FGFR3: variants seen among roughly 807,000 people sequenced by gnomAD.
FGFR3 encodes the protein FGFR-3.
FGFR3 carries 25 observed loss-of-function variants against 82.9 expected under a neutral mutation model. The ratio of observed to expected loss-of-function variants is 0.30; its 90% CI spans 0.22 to 0.42. The LOEUF is 0.42. Among genes scored for constraint, FGFR3 ranks in the 10% least tolerant of loss-of-function variants. The probability of loss-of-function intolerance (pLI) is 1.00; values close to 1 mark genes in which losing one functional copy is unlikely to be tolerated. For synonymous variants in FGFR3, 620 were observed against 516.0 expected (o/e 1.20, Z -2.73); for missense variants, 1,026 against 1,161.0 (o/e 0.88, Z 1.69).
intron 4 of FGFR3, among the ~76,000 whole-genome samples, chr4:1,800,889 C>T (rs556098960): frequency 1.3e-5 from 2 of 152,332 alleles, no homozygotes; most frequent in Non-Finnish European, 2.9e-5. Flanking sequence ...AGACTTGGAG[C>T]TCTGCAGAGG....
chr4:1,805,708 C>T, intron 12 of FGFR3, 39 bp downstream of exon 12: 2 of 1,611,322 alleles, frequency 1.2e-6, no homozygotes, highest in South Asian at 1.1e-5. Context: ...CTGGGCGGCC[C>T]TCCTGGGCCT....
At chr4:1,794,454 G>C (rs979888297) in intron 2 of FGFR3, among the ~76,000 whole-genome samples, 3 of 152,112 alleles carry the variant, frequency 2.0e-5, no homozygotes, top group African/African-American at 7.2e-5. Context: ...GCCAGCTTCG[G>C]CCAAGGCGAG....
Position 1,804,929 on chromosome 4 carries a change from G to A in FGFR3, c.1372G>A (p.Glu458Lys), listed in dbSNP as rs900372633. 11 of 1,549,886 alleles carry A rather than the reference G, an allele frequency of 7.1e-6. No homozygotes were observed. Among genetic ancestry groups the A allele is most frequent in the South Asian group, 3.6e-5 (3 of 84,056 alleles). ...CACGCTGGCCAATGTCTCCGAGCTC[G>A]AGCTGCCTGCCGACCCCAAATGGGA... is the stretch of plus-strand genomic sequence containing the variant. ...GPTLANVSEL[E>K]LPADPKWELS... is the part of the protein sequence containing the mutation. The change falls in exon 10 of 18, where the codon GAG becomes AAG. Residue 458 changes from glutamate to lysine, a missense_variant. Transcript: ENST00000440486.
rs1243610490 is a variant in FGFR3, at chr4:1,806,538, C to A, written c.2031-8C>A. On this transcript the variant is annotated splice_polypyrimidine_tract_variant and splice_region_variant and intron_variant, in intron 15 of 17. Coordinates refer to ENST00000440486, the MANE Select transcript of FGFR3 (RefSeq NM_000142.5). ...CTCAGGACAGCCTGACCTCACCTTC[C>A]CCTGCAGCTGGTCCTTTGGGGTCCT... The A allele has an allele frequency of 6.2e-7, 1 of 1,612,882 alleles. No individual in the cohort carries two copies. Among genetic ancestry groups the A allele is most frequent in the African/African-American group, 1.3e-5 (1 of 74,894 alleles).
intron 2 of FGFR3, among the ~76,000 whole-genome samples, chr4:1,797,360 G>C (rs1431618119): frequency 3.9e-5 from 6 of 152,152 alleles, no homozygotes; most frequent in Admixed American, 2.6e-4. Context: ...GGGGTACCCT[G>C]GCCTCTGCTG....
Position 1,805,877 on chromosome 4 carries a change from C to T in FGFR3, c.1773C>T (p.Phe591=), listed in dbSNP as rs780684393. Residue 591 remains phenylalanine (F), a synonymous_variant, in exon 13 of 18, where the codon TTC becomes TTT. Transcript: ENST00000440486. ...TCKPPEEQLT[F]KDLVSCAYQV... ...AGCCGCCCGAGGAGCAGCTCACCTTCAAGGACCTGGTGTCCTGTGCCTACC... is the reference window on the plus strand; with the variant it reads ...AGCCGCCCGAGGAGCAGCTCACCTTTAAGGACCTGGTGTCCTGTGCCTACC... The T allele has an allele frequency of 6.2e-7, 1 of 1,612,836 alleles. No homozygotes were observed. The highest frequency in any genetic ancestry group is 8.5e-7 in the Non-Finnish European group (1 of 1,179,860).
chr4:1,794,948 A>C (rs1720301692), intron 2 of FGFR3, among the ~76,000 whole-genome samples: 1 of 151,592 alleles, frequency 6.6e-6, no homozygotes, highest in African/African-American at 2.4e-5. Context: ...CGACGCGGCC[A>C]CAGACCGCGC....
At chr4:1,798,709 G>T (rs1720827821) in intron 2 of FGFR3, among the ~76,000 whole-genome samples, 1 of 152,114 alleles carries the variant, frequency 6.6e-6, no homozygotes. Flanking sequence ...GGGGTGCGGG[G>T]GCTACTGAGG....
In FGFR3 at chr4:1,803,772, C is replaced by T. The variant is rs746994259; in HGVS notation, c.1011C>T (p.Tyr337=). 2.5e-6 allele frequency: 4 copies of T among 1,614,108 alleles called. No individual in the cohort carries two copies. Among genetic ancestry groups the T allele is most frequent in the South Asian group, 1.1e-5 (1 of 91,080 alleles). The change falls in exon 8 of 18, where the codon TAC becomes TAT. Residue 337 remains tyrosine, a synonymous_variant. Transcript: ENST00000440486. ...HNVTFEDAGE[Y]TCLAGNSIGF... is the part of the protein sequence containing the mutation. Reference sequence around the variant, plus strand: ...TCACCTTTGAGGACGCCGGGGAGTACACCTGCCTGGCGGGCAATTCTATTG... The same window carrying T: ...TCACCTTTGAGGACGCCGGGGAGTATACCTGCCTGGCGGGCAATTCTATTG...
chr4:1,804,488 C>T lies in FGFR3; in HGVS notation c.1234C>T (p.His412Tyr), dbSNP rs2108798115. The change falls in exon 9 of 18, where the codon CAC (histidine) becomes TAC (tyrosine). Residue 412 changes from histidine (H) to tyrosine (Y), a missense_variant. By Grantham distance (83) the His-to-Tyr change is moderately conservative. Transcript: ENST00000440486. ...GAAAGGCCTGGGCTCCCCCACCGTG[C>T]ACAAGATCTCCCGCTTCCCGCTCAA... is the stretch of plus-strand genomic sequence containing the variant. ...PKKGLGSPTVHKISRFPLKRQ... is the reference protein window; with the variant it reads ...PKKGLGSPTVYKISRFPLKRQ... 1 of 1,613,074 alleles carries T rather than the reference C, an allele frequency of 6.2e-7. No homozygotes were observed. Among genetic ancestry groups the T allele is most frequent in the Non-Finnish European group, 8.5e-7 (1 of 1,179,954 alleles).
In FGFR3 at chr4:1,794,003, G is replaced by A. The variant is rs776259575; in HGVS notation, c.69G>A (p.Glu23=). ...CCATCGTGGCCGGCGCCTCCTCGGA[G>A]TCCTTGGGGACGGAGCAGCGCGTCG... The part of the protein sequence containing the change: ...AVAIVAGASS[E]SLGTEQRVVG... The change falls in exon 2 of 18, where the codon GAG becomes GAA. Residue 23 remains glutamate, a synonymous_variant. Transcript: ENST00000440486. The A allele has an allele frequency of 8.6e-6, 12 of 1,402,754 alleles. No individual in the cohort carries two copies. The highest frequency in any genetic ancestry group is 1.1e-5 in the Non-Finnish European group (12 of 1,066,546). 86.9% of individuals were successfully genotyped at this position (1,402,754 alleles called of 1,614,324 possible). A position where few individuals can be genotyped will look rare whatever the true frequency, so the allele number is the denominator to read the frequency against.
intron 8 of FGFR3, among the ~76,000 whole-genome samples, chr4:1,804,076 C>T (rs1276640971): frequency 2.0e-5 from 3 of 152,256 alleles, no homozygotes; most frequent in Non-Finnish European, 2.9e-5. Flanking sequence ...AAGGCCTCTC[C>T]TGTGGCTCTG....
rs1183151994 is a variant in FGFR3, at chr4:1,805,582, T to C, written c.1558T>C (p.Ser520Pro). The change falls in exon 12 of 18, where the codon TCG becomes CCG. Residue 520 changes from serine to proline, a missense_variant. Physicochemically the swap from Ser to Pro is moderately conservative, Grantham distance 74. Coordinates refer to ENST00000440486, the MANE Select transcript of FGFR3 (RefSeq NM_000142.5). ...AGACGATGCCACTGACAAGGACCTG[T>C]CGGACCTGGTGTCTGAGATGGAGAT... The part of the protein sequence containing the change: ...LKDDATDKDL[S>P]DLVSEMEMMK... The C allele has an allele frequency of 6.2e-7, 1 of 1,613,260 alleles. No homozygotes were observed. Among genetic ancestry groups the C allele is most frequent in the Admixed American group, 1.7e-5 (1 of 60,026 alleles).
Position 1,799,338 on chromosome 4 carries a change from G to T in FGFR3, c.194G>T (p.Gly65Val). The change falls in exon 3 of 18, where the codon GGG (glycine) becomes GTG (valine). Residue 65 changes from glycine to valine, a missense_variant. Around this residue, in one of 9 missense-constraint regions of FGFR3, gnomAD observed 226 missense variants for 222.0 expected, o/e 1.02. Transcript: ENST00000440486. ...GTGGAGCTGAGCTGTCCCCCGCCCGGGGGTGGTCCCATGGGGCCCACTGTC... is the reference window on the plus strand; with the variant it reads ...GTGGAGCTGAGCTGTCCCCCGCCCGTGGGTGGTCCCATGGGGCCCACTGTC... ...DAVELSCPPP[G>V]GGPMGPTVWV... is the part of the protein sequence containing the mutation. 1 of 1,612,596 alleles carries T rather than the reference G, an allele frequency of 6.2e-7. No individual in the cohort carries two copies. The highest frequency in any genetic ancestry group is 8.5e-7 in the Non-Finnish European group (1 of 1,179,898).
intron 15 of FGFR3, 84 bp from the exon 16 acceptor site, chr4:1,806,462 G>A (rs1004599759): frequency 1.9e-5 from 30 of 1,609,082 alleles, no homozygotes; most frequent in Admixed American, 1.0e-4. Context: ...GGGCAGCAGC[G>A]CAGCCCTGGC....
At chr4:1,804,768 T>G in intron 9 of FGFR3, 56 bp from the exon 10 acceptor site, 2 of 1,547,214 alleles carry the variant, frequency 1.3e-6, no homozygotes, top group Non-Finnish European at 1.7e-6. Flanking sequence ...CCCCCGGCTG[T>G]ACCTCCACGC....
Position 1,804,864 on chromosome 4 carries a change from C to T in FGFR3, c.1307C>T (p.Pro436Leu), listed in dbSNP as rs142030909. ...AACGCGTCCATGAGCTCCAACACACCACTGGTGCGCATCGCAAGGCTGTCC... is the reference window on the plus strand; with the variant it reads ...AACGCGTCCATGAGCTCCAACACACTACTGGTGCGCATCGCAAGGCTGTCC... ...ESNASMSSNT[P>L]LVRIARLSSG... is the part of the protein sequence containing the mutation. Residue 436 changes from proline to leucine, a missense_variant, in exon 10 of 18, where the codon CCA becomes CTA. This residue lies in a region of FGFR3 where 256 missense variants were observed against 217.6 expected (regional missense o/e 1.18). Coordinates refer to ENST00000440486, the MANE Select transcript of FGFR3 (RefSeq NM_000142.5). The T allele has an allele frequency of 8.4e-6, 13 of 1,549,998 alleles. No homozygotes were observed. Among genetic ancestry groups the T allele is most frequent in the Non-Finnish European group, 1.0e-5 (12 of 1,146,952 alleles).
At chr4:1,797,020 C>T (rs906222171) in intron 2 of FGFR3, among the ~76,000 whole-genome samples, 5 of 152,072 alleles carry the variant, frequency 3.3e-5, no homozygotes, top group Admixed American at 6.5e-5. Context: ...GGCAGGAGCA[C>T]GTGTTGTGGG....
In FGFR3 at chr4:1,807,728, G is replaced by T. The variant is rs751365286; in HGVS notation, c.*466G>T. On this transcript the variant is annotated 3_prime_UTR_variant, in exon 18 of 18. Transcript: ENST00000440486. ...CCACATGTCCAGCACCTTGTGCCTG[G>T]GGTGTTAGTGGCACCGCCTCCCCAC... 1 of 602,678 alleles carries T rather than the reference G, an allele frequency of 1.7e-6. No homozygotes were observed. The highest frequency in any genetic ancestry group is 1.4e-5 in the South Asian group (1 of 71,756). 37.3% of individuals were successfully genotyped at this position (602,678 alleles called of 1,614,324 possible).
Sources: allele counts gnomAD v4.1 joint callset (sites outside exome capture counted in the v4.1 genomes callset), GRCh38; gene constraint gnomAD v4.1.1; regional missense constraint gnomAD v4.1.1; transcripts MANE v1.5; gene names NCBI Gene and HGNC (gene_info 2026-07-23, HGNC 2026-07-21).